Variants in INF2 observed in about 807,000 individuals in gnomAD.
INF2 encodes inverted formin 2.
INF2 carries 43 observed loss-of-function variants against 123.5 expected under a neutral mutation model. That is an observed-to-expected ratio of 0.35 (90% CI 0.27 to 0.45). The LOEUF (loss-of-function observed/expected upper bound fraction) is 0.45. Among genes scored for constraint, INF2 ranks in the 20% least tolerant of loss-of-function variants. The pLI, the probability that INF2 is intolerant of heterozygous loss-of-function variation, is 1.00. For missense variants in INF2, 1,453 were observed against 1,682.7 expected, an observed-to-expected ratio of 0.86 and a Z score of 2.39; for synonymous variants, 851 against 745.0, an observed-to-expected ratio of 1.14 and a Z score of -2.32.
intron 1 of INF2, among the ~76,000 whole-genome samples, chr14:104,697,378 A>T (rs1200762355): frequency 6.6e-6 from 1 of 152,116 alleles, no homozygotes. Flanking sequence ...GCTCAGAACC[A>T]TGGGCCCATG....
At position 104,718,842 on chromosome 14, in the gene INF2, A is replaced by C; in HGVS notation, c.*49A>C. The C allele has an allele frequency of 6.2e-7, 1 of 1,610,790 alleles. No homozygotes were observed. Among genetic ancestry groups the C allele is most frequent in the African/African-American group, 1.3e-5 (1 of 74,916 alleles). On this transcript the variant is annotated 3_prime_UTR_variant, in exon 23 of 23. Coordinates refer to ENST00000392634, the MANE Select transcript of INF2 (RefSeq NM_022489.4). ...CAAGTGAGAGAGCCCAGGCCACAGG[A>C]CATGCTGCCATTCTGCCAAGAGAGG...
rs1176661312 is a variant in INF2 at position 104,719,840 on chromosome 14, G to C, written c.*1047G>C. ...CAGGGGCTGTCCCTGGAGCCCTCAG[G>C]AGGCAGTAAGAAACATCTAGAAGAG... is the stretch of plus-strand genomic sequence containing the variant. On this transcript the variant is annotated 3_prime_UTR_variant, in exon 23 of 23. Coordinates refer to ENST00000392634, the MANE Select transcript of INF2 (RefSeq NM_022489.4). 1 of 152,266 alleles carries C rather than the reference G, an allele frequency of 6.6e-6. No individual in the cohort carries two copies. Among genetic ancestry groups the C allele is most frequent in the Non-Finnish European group, 1.5e-5 (1 of 68,090 alleles). The allele number at this position is 152,266 out of a possible 1,614,324, so 9.4% of individuals were successfully genotyped here. A position where few individuals can be genotyped will look rare whatever the true frequency, so the allele number is the denominator to read the frequency against.
At position 104,707,899 on chromosome 14, in the gene INF2, T is replaced by C. The variant is rs374940901; in HGVS notation, c.1632T>C (p.His544=). ...MEEVIVAQVD[H]GLGSAWVPSH... ...AGGTCATCGTGGCCCAGGTGGACCA[T>C]GGCTTGGGCTCAGCATGGGTCCCCA... Residue 544 remains histidine, a synonymous_variant, in exon 8 of 23, where the codon CAT becomes CAC. Coordinates refer to ENST00000392634, the MANE Select transcript of INF2 (RefSeq NM_022489.4). 5.0e-5 allele frequency: 80 copies of C among 1,603,650 alleles called. 3 individuals are homozygous for C. The Admixed American group carries it at 1.1e-3, about 21-fold the overall frequency.
At chr14:104,706,812 G>A (rs1212400703) in intron 6 of INF2, 98 bp from the exon 7 acceptor site, 3 of 1,373,014 alleles carry the variant, frequency 2.2e-6, no homozygotes, top group East Asian at 2.4e-5. Context: ...GGGAATAGAG[G>A]GGGTGATGGG....
At position 104,709,420 on chromosome 14, in the gene INF2, T is replaced by C. The variant is rs201476055; in HGVS notation, c.2052+37T>C. The stretch of plus-strand genomic sequence containing the variant: ...ACCCCCACACCCCACCCCCAGTTAG[T>C]GCCACCAACCAAGGGAGAGGCTGTC... On this transcript the variant is annotated intron_variant, in intron 11 of 22. Transcript: ENST00000392634. 209 of 1,530,368 alleles carry C rather than the reference T, an allele frequency of 1.4e-4. No individual in the cohort carries two copies. The Middle Eastern group carries it at 5.1e-3, about 37-fold the overall frequency. The allele number at this position is 1,530,368 out of a possible 1,614,324, so 94.8% of individuals were successfully genotyped here.
intron 12 of INF2, 113 bp downstream of exon 12, chr14:104,709,818 G>C: frequency 1.1e-6 from 1 of 940,312 alleles, no homozygotes; most frequent in Non-Finnish European, 1.7e-6. Flanking sequence ...TGGCTGCCCC[G>C]GGCTCCAGGA....
Position 104,711,078 on chromosome 14 carries a change from G to A in INF2, c.2311-1G>A. ...TGAGACTCACTCCCTGCCCCTCCCA[G>A]GGCAGCCACACCGGTGACGCCGACG... On this transcript the variant is annotated splice_acceptor_variant, in intron 14 of 22. Transcript: ENST00000392634. LOFTEE classifies it high-confidence loss of function. 6.2e-7 allele frequency: 1 copy of A among 1,602,120 alleles called. No homozygotes were observed. Among genetic ancestry groups the A allele is most frequent in the Non-Finnish European group, 8.5e-7 (1 of 1,176,066 alleles).
rs774280485 is a variant in INF2, at chr14:104,711,083, G to C, written c.2315G>C (p.Ser772Thr). The change falls in exon 15 of 23, where the codon AGC (serine) becomes ACC (threonine). Residue 772 changes from serine (S) to threonine (T), a missense_variant. Physicochemically the swap from Ser to Thr is moderately conservative, Grantham distance 58. Transcript: ENST00000392634. ...LRIGNFLNYG[S>T]HTGDADGFKI... ...CTCACTCCCTGCCCCTCCCAGGGCA[G>C]CCACACCGGTGACGCCGACGGCTTC... 8 of 1,601,406 alleles carry C rather than the reference G, an allele frequency of 5.0e-6. No individual in the cohort carries two copies. Among genetic ancestry groups the C allele is most frequent in the Non-Finnish European group, 6.0e-6 (7 of 1,175,556 alleles).
chr14:104,713,509 G>A lies in INF2; in HGVS notation c.2943G>A (p.Arg981=). Residue 981 remains arginine (R), a synonymous_variant, in exon 20 of 23, where the codon AGG becomes AGA. Transcript: ENST00000392634. ...CVIDALLADI[R]KGFQLRKTAR... ...TCGATGCCCTGCTGGCTGACATCAG[G>A]AAGGGCTTCCAGCTGCGGAAGACAG... 1.9e-6 allele frequency: 3 copies of A among 1,611,808 alleles called. No individual in the cohort carries two copies. Among genetic ancestry groups the A allele is most frequent in the Non-Finnish European group, 2.5e-6 (3 of 1,179,500 alleles).
rs1425063043 is a variant in INF2, at chr14:104,706,117, G to A, written c.784G>A (p.Val262Ile). Residue 262 changes from valine to isoleucine, a missense_variant, in exon 6 of 23, where the codon GTC (valine) becomes ATC (isoleucine). Val to Ile is a conservative substitution (Grantham distance 29). Transcript: ENST00000392634. Reference sequence around the variant, plus strand: ...CGAGGACGAGGAGGAGCTGCTGCGAGTCTCTGGCGGGGTCGACATGAGCAG... The same window carrying A: ...CGAGGACGAGGAGGAGCTGCTGCGAATCTCTGGCGGGGTCGACATGAGCAG... The part of the protein sequence containing the change: ...KAEDEEELLR[V>I]SGGVDMSSHQ... 1.9e-6 allele frequency: 3 copies of A among 1,611,398 alleles called. No individual in the cohort carries two copies. The highest frequency in any genetic ancestry group is 1.7e-6 in the Non-Finnish European group (2 of 1,179,316).
At chr14:104,691,726 CA>C (rs142364435) in intron 1 of INF2, among the ~76,000 whole-genome samples, 1,871 of 152,286 alleles carry the variant, frequency 0.012, 30 homozygotes, top group South Asian at 0.041. Context: ...GGAGAGAGGG[CA>C]GGGGCACGGG....
At position 104,717,301 on chromosome 14, in the gene INF2, C is replaced by CG. The variant is rs1381845171; in HGVS notation, c.*2-1494_*2-1493insG. ...TGCGCTGCCGTCCTCCCAGTCCCCC[C>CG]CCCGGGCAGGGCGCGCTGCCGTCCT... On this transcript the variant is annotated intron_variant, in intron 22 of 22. Transcript: ENST00000392634. Among the ~76,000 whole-genome samples the CG allele has an allele frequency of 4.9e-5, 7 of 143,294 alleles. 1 individual carries two copies. In the East Asian group the frequency reaches 1.2e-3, roughly 25 times the overall value. 94.0% of individuals were successfully genotyped at this position (143,294 alleles called of 152,430 possible). A position where few individuals can be genotyped will look rare whatever the true frequency, so the allele number is the denominator to read the frequency against.
rs1890443392 is a variant in INF2 at position 104,718,882 on chromosome 14, A to G, written c.*89A>G. The G allele has an allele frequency of 6.3e-7, 1 of 1,585,370 alleles. No homozygotes were observed. The highest frequency in any genetic ancestry group is 1.1e-5 in the South Asian group (1 of 87,020). On this transcript the variant is annotated 3_prime_UTR_variant, in exon 23 of 23. Coordinates refer to ENST00000392634, the MANE Select transcript of INF2 (RefSeq NM_022489.4). The stretch of plus-strand genomic sequence containing the variant: ...GCCAAGAGAGGCTCTTCTGGGGGCC[A>G]GGCTGGGACTGGGCCCCGGAAACCA...
intron 1 of INF2, chr14:104,681,670 A>C (rs1308424813): frequency 8.9e-7 from 1 of 1,120,378 alleles, no homozygotes; most frequent in East Asian, 5.8e-5. Context: ...CAAGCATCTG[A>C]GTGCAGGAGG....
At chr14:104,702,163 C>T (rs1340538282) in intron 2 of INF2, among the ~76,000 whole-genome samples, 2 of 152,178 alleles carry the variant, frequency 1.3e-5, no homozygotes, top group Non-Finnish European at 2.9e-5. Context: ...TAGCTCCAAG[C>T]CCTTCAGCCT....
chr14:104,694,092 G>A (rs1265348030), intron 1 of INF2, among the ~76,000 whole-genome samples: 1 of 152,238 alleles, frequency 6.6e-6, no homozygotes. Flanking sequence ...CCTGGGCCAG[G>A]CCAGGCTGTG....
Position 104,719,097 on chromosome 14 carries a change from G to C in INF2, c.*304G>C. The C allele has an allele frequency of 2.0e-6, 1 of 512,176 alleles. No homozygotes were observed. The highest frequency in any genetic ancestry group is 3.1e-5 in the South Asian group (1 of 32,400). The allele number at this position is 512,176 out of a possible 1,614,324, so 31.7% of individuals were successfully genotyped here. ...GCATGCGCCCGGTGCAGCCTGCCAA[G>C]GGCCAGTCGGGGGGTGCTGCGTCCT... On this transcript the variant is annotated 3_prime_UTR_variant, in exon 23 of 23. Transcript: ENST00000392634.
chr14:104,714,955 AC>A, intron 21 of INF2, 99 bp downstream of exon 21: 3 of 1,305,010 alleles, frequency 2.3e-6, no homozygotes, highest in Non-Finnish European at 3.1e-6. Flanking sequence ...TTCCAGCGGC[AC>A]CCAGGAGAGG....
At chr14:104,688,409 CA>C (rs759057174), upstream of INF2, among the ~76,000 whole-genome samples, 16 of 152,366 alleles carry the variant, frequency 1.1e-4, no homozygotes, top group Non-Finnish European at 2.1e-4. Flanking sequence ...GCAGAAGCTG[CA>C]TCGGGGCTGG....
Sources: gnomAD v4.1 joint callset for allele counts (sites outside exome capture counted in the v4.1 genomes callset) on GRCh38, gnomAD v4.1.1 for gene constraint, MANE v1.5 for transcripts, NCBI Gene and HGNC (gene_info 2026-07-23, HGNC 2026-07-21) for gene names.